JAK3: variants seen among roughly 807,000 people sequenced by gnomAD.
JAK3 encodes tyrosine-protein kinase JAK3.
A neutral mutation model predicts 120.8 loss-of-function variants in JAK3; 88 were observed. The observed-to-expected ratio is 0.73, with a 90% CI of 0.61 to 0.87. The LOEUF (loss-of-function observed/expected upper bound fraction) is 0.87. JAK3 is among the 40% of genes least tolerant of loss of function. The pLI is 0.00. For synonymous variants in JAK3, 592 were observed against 628.6 expected, an observed-to-expected ratio of 0.94 and a Z score of 0.87; for missense variants, 1,254 against 1,501.4, an observed-to-expected ratio of 0.84 and a Z score of 2.72.
chr19:17,830,078 G>T, intron 23 of JAK3, 30 bp downstream of exon 23: 3 of 1,511,238 alleles, frequency 2.0e-6, no homozygotes, highest in Non-Finnish European at 2.7e-6. Flanking sequence ...CTACAGACTG[G>T]GAAACTGAGG....
At chr19:17,827,618 A>AT (rs1292861452) in intron 23 of JAK3, among the ~76,000 whole-genome samples, 1 of 148,844 alleles carries the variant, frequency 6.7e-6, no homozygotes, top group Non-Finnish European at 1.5e-5. Context: ...AAGGGCTGGG[A>AT]TTACAGGTGT....
intron 9 of JAK3, among the ~76,000 whole-genome samples, chr19:17,839,940 C>T (rs1009137550): frequency 2.6e-5 from 4 of 151,960 alleles, no homozygotes; most frequent in Admixed American, 6.6e-5. Context: ...AGGGTTTCAC[C>T]ATTTTGGCCA....
rs765784269 is a variant in JAK3, at chr19:17,839,548, C to G, written c.1370G>C (p.Cys457Ser). Residue 457 changes from cysteine (C) to serine (S), a missense_variant, in exon 10 of 24, where the codon TGC (cysteine) becomes TCC (serine). By Grantham distance (112) the Cys-to-Ser change is moderately radical (BLOSUM62 -1). Around this residue, in one of 3 missense-constraint regions of JAK3, gnomAD observed 486 missense variants for 503.0 expected, o/e 0.97. Coordinates refer to ENST00000458235, the MANE Select transcript of JAK3 (RefSeq NM_000215.4). ...HSSLRELLAT[C>S]WDGGLHVDGV... is the part of the protein sequence containing the mutation. ...ATCTACGTGCAGCCCCCCATCCCAG[C>G]AGGTTGCCAGGAGCTCTCGAAGACT... 1.2e-6 allele frequency: 2 copies of G among 1,606,858 alleles called. No homozygotes were observed. Among genetic ancestry groups the G allele is most frequent in the Admixed American group, 3.4e-5 (2 of 58,794 alleles).
intron 1 of JAK3, among the ~76,000 whole-genome samples, chr19:17,844,810 A>AAAAG (rs545511218): frequency 1.9e-3 from 238 of 127,148 alleles, no homozygotes; most frequent in East Asian, 4.5e-3. Flanking sequence ...AAAAAAAAAA[A>AAAAG]AAAGAAAGAA....
At position 17,838,003 on chromosome 19, in the gene JAK3, C is replaced by G. The variant is rs574886391; in HGVS notation, c.1630G>C (p.Val544Leu). 2 of 1,614,132 alleles carry G rather than the reference C, an allele frequency of 1.2e-6. No homozygotes were observed. Among genetic ancestry groups the G allele is most frequent in the South Asian group, 2.2e-5 (2 of 91,088 alleles). The part of the protein sequence containing the change: ...KIYRGCRHEV[V>L]DGEARKTEVL... ...TCTGTCTTTCGGGCCTCCCCATCCA[C>G]CACCTCATGGCGACAGCCCCGGTAA... The change falls in exon 12 of 24, where the codon GTG becomes CTG. Residue 544 changes from valine to leucine, a missense_variant. Val to Leu is a conservative substitution (Grantham distance 32, BLOSUM62 1). Transcript: ENST00000458235.
At chr19:17,827,281 T>C (rs1190259992) in intron 23 of JAK3, among the ~76,000 whole-genome samples, 1 of 152,048 alleles carries the variant, frequency 6.6e-6, no homozygotes, top group African/African-American at 2.4e-5. Flanking sequence ...ACTCATTCAG[T>C]TTTAAAACAC....
At position 17,841,316 on chromosome 19, in the gene JAK3, G is replaced by C; in HGVS notation, c.1142+73C>G. ...CCTGTCCAGGGCTCCTGGAAGGTGA[G>C]GACACTGAGGCATAGAGAAGGGGAG... On this transcript the variant is annotated intron_variant, in intron 8 of 23. Coordinates refer to ENST00000458235, the MANE Select transcript of JAK3 (RefSeq NM_000215.4). The surrounding 1 kb of genome is among the most constrained non-coding windows in gnomAD (Gnocchi z 4.1). 6.8e-7 allele frequency: 1 copy of C among 1,468,976 alleles called. No individual in the cohort carries two copies. Among genetic ancestry groups the C allele is most frequent in the African/African-American group, 1.4e-5 (1 of 71,898 alleles). The allele number at this position is 1,468,976 out of a possible 1,614,324, so 91.0% of individuals were successfully genotyped here. A position where few individuals can be genotyped will look rare whatever the true frequency, so the allele number is the denominator to read the frequency against.
rs1284790510 is a variant in JAK3 at position 17,837,997 on chromosome 19, C to T, written c.1636G>A (p.Gly546Arg). The T allele has an allele frequency of 6.2e-7, 1 of 1,614,026 alleles. No homozygotes were observed. ...AGCACCTCTGTCTTTCGGGCCTCCC[C>T]ATCCACCACCTCATGGCGACAGCCC... The part of the protein sequence containing the change: ...YRGCRHEVVD[G>R]EARKTEVLLK... The change falls in exon 12 of 24, where the codon GGG (glycine) becomes AGG (arginine). Residue 546 changes from glycine to arginine, a missense_variant. Coordinates refer to ENST00000458235, the MANE Select transcript of JAK3 (RefSeq NM_000215.4).
intron 23 of JAK3, chr19:17,829,784 C>A (rs202069629): frequency 2.2e-6 from 1 of 456,308 alleles, no homozygotes; most frequent in Non-Finnish European, 3.9e-6. Context: ...AAAAAAAAAC[C>A]ATGAACGTCA....
Position 17,843,771 on chromosome 19 carries a change from TC to T in JAK3, c.308+5del. The stretch of plus-strand genomic sequence containing the variant: ...CAATCCCTGGGGGCTGGGGGGCACT[TC>T]CTACCGAATCCTGTACAGCAGGACT... On this transcript the variant is annotated splice_donor_5th_base_variant and intron_variant, in intron 3 of 23. Coordinates refer to ENST00000458235, the MANE Select transcript of JAK3 (RefSeq NM_000215.4). The surrounding 1 kb of genome is among the most constrained non-coding windows in gnomAD (Gnocchi z 5.4). 1 of 1,613,064 alleles carries T rather than the reference TC, an allele frequency of 6.2e-7. No homozygotes were observed. Among genetic ancestry groups the T allele is most frequent in the African/African-American group, 1.3e-5 (1 of 74,864 alleles).
rs537881174 is a variant in JAK3 at position 17,840,562 on chromosome 19, C to G, written c.1143-221G>C. Among the ~76,000 whole-genome samples, 90 of 152,048 alleles carry G rather than the reference C, an allele frequency of 5.9e-4. 1 individual carries two copies. The highest frequency in any genetic ancestry group is 2.1e-3 in the African/African-American group (89 of 41,518). On this transcript the variant is annotated intron_variant, in intron 8 of 23. Transcript: ENST00000458235. ...GTGGATCACGAGGTCAGGAGATCAA[C>G]ACCATCCTGGCTAACACCGTGAAAC...
Position 17,839,699 on chromosome 19 carries a change from G to A in JAK3, c.1255-36C>T, listed in dbSNP as rs200783042. 1.9e-4 allele frequency: 286 copies of A among 1,492,864 alleles called. 1 individual carries two copies. The Admixed American group carries it at 3.7e-3, about 19-fold the overall frequency. The allele number at this position is 1,492,864 out of a possible 1,614,324, so 92.5% of individuals were successfully genotyped here. A position where few individuals can be genotyped will look rare whatever the true frequency, so the allele number is the denominator to read the frequency against. ...GAGTGGCCCCTGAGTGGGACTGAGC[G>A]ACAGACACTCTCCTTCTCAGTCCTT... On this transcript the variant is annotated intron_variant, in intron 9 of 23. Coordinates refer to ENST00000458235, the MANE Select transcript of JAK3 (RefSeq NM_000215.4).
chr19:17,843,636 G>A lies in JAK3; in HGVS notation c.308+141C>T, dbSNP rs1011708264. 6 of 1,293,692 alleles carry A rather than the reference G, an allele frequency of 4.6e-6. No individual in the cohort carries two copies. The African/African-American group carries it at 8.7e-5, about 19-fold the overall frequency. The allele number at this position is 1,293,692 out of a possible 1,614,324, so 80.1% of individuals were successfully genotyped here. On this transcript the variant is annotated intron_variant, in intron 3 of 23. Coordinates refer to ENST00000458235, the MANE Select transcript of JAK3 (RefSeq NM_000215.4). This position sits in a 1 kb window ranked among gnomAD's most constrained non-coding sequence, Gnocchi z 5.4. ...TAACTTGCTGTGTGACCTTGGGCAA[G>A]TGACCCACCCTCTCTGGTCTGTTTC...
intron 13 of JAK3, 40 bp downstream of exon 13, chr19:17,837,089 G>T: frequency 1.4e-6 from 2 of 1,404,886 alleles, no homozygotes; most frequent in Non-Finnish European, 2.0e-6. Flanking sequence ...CCTAGACTTG[G>T]GTGAGGCAGG....
chr19:17,842,616 G>T lies in JAK3; in HGVS notation c.567-6C>A. On this transcript the variant is annotated splice_region_variant and splice_polypyrimidine_tract_variant and intron_variant, in intron 5 of 23. Transcript: ENST00000458235. The surrounding 1 kb of genome is among the most constrained non-coding windows in gnomAD (Gnocchi z 6.4). ...GGGGTAGGCAGGCCTTGTAGCTGCA[G>T]GGGTTGGAGGGGAGGGAGCCGGCCC... is the stretch of plus-strand genomic sequence containing the variant. The T allele has an allele frequency of 6.4e-7, 1 of 1,559,508 alleles. No individual in the cohort carries two copies. Among genetic ancestry groups the T allele is most frequent in the East Asian group, 2.3e-5 (1 of 42,798 alleles).
At position 17,837,627 on chromosome 19, in the gene JAK3, C is replaced by T. The variant is rs2094227459; in HGVS notation, c.1701+305G>A. Reference sequence around the variant, plus strand: ...ACGGGGTTTCTCCATGTTGGTCAGGCTGGTCTCGAACTCCCGACCTCAGAT... The same window carrying T: ...ACGGGGTTTCTCCATGTTGGTCAGGTTGGTCTCGAACTCCCGACCTCAGAT... On this transcript the variant is annotated intron_variant, in intron 12 of 23. Transcript: ENST00000458235. 2.6e-5 allele frequency among the ~76,000 whole-genome samples: 4 copies of T among 151,856 alleles called. No homozygotes were observed. In the South Asian group the frequency reaches 8.3e-4, roughly 32 times the overall value.
rs1214200801 is a variant in JAK3 at position 17,826,857 on chromosome 19, T to G, written c.3261A>C (p.Ser1087=). 6.2e-7 allele frequency: 1 copy of G among 1,613,754 alleles called. No individual in the cohort carries two copies. Among genetic ancestry groups the G allele is most frequent in the South Asian group, 1.1e-5 (1 of 91,088 alleles). ...CCAGCTGGGGGCCCAGGGCGCTGAA[T>G]GATGGCCGGTCCTGTGGGCTAGGGG... ...CWAPSPQDRP[S]FSALGPQLDM... The change falls in exon 24 of 24, where the codon TCA becomes TCC. Residue 1087 remains serine, a synonymous_variant. Coordinates refer to ENST00000458235, the MANE Select transcript of JAK3 (RefSeq NM_000215.4).
At chr19:17,828,606 C>A (rs571780598) in intron 23 of JAK3, among the ~76,000 whole-genome samples, 1 of 152,080 alleles carries the variant, frequency 6.6e-6, no homozygotes, top group South Asian at 2.1e-4. Context: ...CCAGGCTGGT[C>A]TTGAACTCCT....
In JAK3 at chr19:17,842,559, G is replaced by T. The variant is rs771416774; in HGVS notation, c.618C>A (p.Ser206Arg). 1 of 1,587,610 alleles carries T rather than the reference G, an allele frequency of 6.3e-7. No individual in the cohort carries two copies. The highest frequency in any genetic ancestry group is 1.1e-5 in the South Asian group (1 of 87,716). The change falls in exon 6 of 24, where the codon AGC becomes AGA. Residue 206 changes from serine (S) to arginine (R), a missense_variant. Coordinates refer to ENST00000458235, the MANE Select transcript of JAK3 (RefSeq NM_000215.4). The surrounding 1 kb of genome is among the most constrained non-coding windows in gnomAD (Gnocchi z 6.4). ...PSLRDLIQGL[S>R]FVTRRRIRRT... Reference sequence around the variant, plus strand: ...TCCGAATACGCCTCCGCGTCACGAAGCTCAGGCCCTGGATCAGGTCGCGCA... The same window carrying T: ...TCCGAATACGCCTCCGCGTCACGAATCTCAGGCCCTGGATCAGGTCGCGCA...
Sources: allele counts gnomAD v4.1 joint callset (sites outside exome capture counted in the v4.1 genomes callset), GRCh38; gene constraint gnomAD v4.1.1; regional missense constraint gnomAD v4.1.1; non-coding constraint Gnocchi (gnomAD v3.1); transcripts MANE v1.5; gene names NCBI Gene and HGNC (gene_info 2026-07-23, HGNC 2026-07-21).